The following CDH7 variants were observed in gnomAD, a reference collection of about 807,000 sequenced individuals.
CDH7 encodes the protein cadherin 7.
Under a neutral mutation model 71.8 loss-of-function variants are expected in CDH7, and 25 were observed. The observed-to-expected ratio is 0.35, with a 90% CI of 0.25 to 0.49. The LOEUF (loss-of-function observed/expected upper bound fraction) is 0.49, where lower values mean the gene tolerates loss of function less well. CDH7 is among the 20% of genes least tolerant of loss of function. The probability of loss-of-function intolerance (pLI) is 0.99; values close to 1 mark genes in which losing one functional copy is unlikely to be tolerated. For missense variants in CDH7, 862 were observed against 974.6 expected (o/e 0.88, Z 1.54); for synonymous variants, 381 against 363.8 (o/e 1.05, Z -0.54).
intron 2 of CDH7, among the ~76,000 whole-genome samples, chr18:65,792,420 A>G (rs1031688920): frequency 6.6e-6 from 1 of 152,038 alleles, no homozygotes; most frequent in Non-Finnish European, 1.5e-5. Context: ...CCCTCAGAGA[A>G]GCTTGCAGGT....
intron 2 of CDH7, among the ~76,000 whole-genome samples, chr18:65,781,161 C>T (rs999187846): frequency 2.6e-5 from 4 of 152,180 alleles, no homozygotes; most frequent in Non-Finnish European, 2.9e-5. Flanking sequence ...AACTTAAATT[C>T]GATTCTGTCT....
chr18:65,801,457 A>G (rs2143884400), intron 2 of CDH7, among the ~76,000 whole-genome samples: 1 of 152,328 alleles, frequency 6.6e-6, no homozygotes, highest in Admixed American at 6.5e-5. Flanking sequence ...ACAAATACTA[A>G]ACACCCAAGA....
chr18:65,880,188 G>A (rs1476591682), intron 11 of CDH7, among the ~76,000 whole-genome samples: 1 of 152,138 alleles, frequency 6.6e-6, no homozygotes, highest in East Asian at 1.9e-4. Context: ...GTGTGGAAAA[G>A]GGTTCCTTGA....
chr18:65,784,115 T>A (rs1461722449), intron 2 of CDH7, among the ~76,000 whole-genome samples: 1 of 123,730 alleles, frequency 8.1e-6, no homozygotes. Context: ...CCACAGCTAT[T>A]TTTTTTTTTT....
intron 11 of CDH7, chr18:65,865,144 G>C (rs998022061): frequency 1.9e-4 from 29 of 152,098 alleles, no homozygotes; most frequent in Admixed American, 1.9e-3. Context: ...CTTCACTTTA[G>C]TAAACACTTT....
intron 2 of CDH7, among the ~76,000 whole-genome samples, chr18:65,779,257 C>CTTTTTT (rs34051231): frequency 2.7e-5 from 2 of 72,878 alleles, no homozygotes; most frequent in African/African-American, 6.2e-5. Context: ...AGAAAACATT[C>CTTTTTT]TTTTTTTTTT....
At chr18:65,806,951 T>A (rs2143898899) in intron 2 of CDH7, among the ~76,000 whole-genome samples, 1 of 152,284 alleles carries the variant, frequency 6.6e-6, no homozygotes, top group South Asian at 2.1e-4. Context: ...TTACAGTAAC[T>A]TTGCAAAGAC....
intron 10 of CDH7, 150 bp downstream of exon 10, chr18:65,859,975 G>A: frequency 1.8e-6 from 1 of 550,510 alleles, no homozygotes. Context: ...TTTTATCTAT[G>A]GATTTACTAT....
rs143401270 is a variant in CDH7 at position 65,859,578 on chromosome 18, C to G, written c.1495-130C>G. 4.5e-3 allele frequency: 2,718 copies of G among 608,238 alleles called. 16 individuals carry two copies. The highest frequency in any genetic ancestry group is 6.5e-3 in the Non-Finnish European group (2,198 of 337,848). 37.7% of individuals were successfully genotyped at this position (608,238 alleles called of 1,614,324 possible). On this transcript the variant is annotated intron_variant, in intron 9 of 11. Transcript: ENST00000397968. ...TTAGATTGGGTTCATAATAATACAT[C>G]GGATCCTTTCTCCCTAGCTCATTCA...
At chr18:65,832,358 A>G (rs1327396976) in intron 6 of CDH7, among the ~76,000 whole-genome samples, 1 of 152,116 alleles carries the variant, frequency 6.6e-6, no homozygotes, top group Non-Finnish European at 1.5e-5. Flanking sequence ...TTTAAAATAT[A>G]TATTTGAAAA....
intron 2 of CDH7, 96 bp downstream of exon 2, chr18:65,763,148 C>A: frequency 3.0e-6 from 2 of 656,640 alleles, no homozygotes; most frequent in Non-Finnish European, 4.5e-6. Context: ...TTATTTTTTG[C>A]TATGGGGATG....
chr18:65,763,119 T>G, intron 2 of CDH7, 67 bp downstream of exon 2: 1 of 860,614 alleles, frequency 1.2e-6, no homozygotes. Flanking sequence ...GATGAAAAAC[T>G]GCTATATATA....
chr18:65,811,239 T>C (rs1299323774), intron 3 of CDH7, among the ~76,000 whole-genome samples: 2 of 151,784 alleles, frequency 1.3e-5, no homozygotes, highest in African/African-American at 4.8e-5. Context: ...TCAACATACC[T>C]ACGACACTGA....
At chr18:65,784,132 T>TTTTTC (rs1910422679) in intron 2 of CDH7, among the ~76,000 whole-genome samples, 2 of 144,726 alleles carry the variant, frequency 1.4e-5, no homozygotes, top group African/African-American at 5.5e-5. Context: ...TTTTTTTTTT[T>TTTTTC]GTAGAGATTG....
In CDH7 at chr18:65,824,934, A is replaced by G. The variant is rs904301298; in HGVS notation, c.981+103A>G. The G allele has an allele frequency of 2.3e-5, 16 of 688,106 alleles. No homozygotes were observed. In the African/African-American group the frequency reaches 2.8e-4, roughly 12 times the overall value. 42.6% of individuals were successfully genotyped at this position (688,106 alleles called of 1,614,324 possible). A position where few individuals can be genotyped will look rare whatever the true frequency, so the allele number is the denominator to read the frequency against. The stretch of plus-strand genomic sequence containing the variant: ...AACCGAATGGCCATATGGGACCATT[A>G]CTATTTTAATTTTAGTAAGATAAGC... On this transcript the variant is annotated intron_variant, in intron 6 of 11. Coordinates refer to ENST00000397968, the MANE Select transcript of CDH7 (RefSeq NM_004361.5).
chr18:65,814,261 A>G (rs551447607), intron 3 of CDH7, among the ~76,000 whole-genome samples: 1 of 151,684 alleles, frequency 6.6e-6, no homozygotes, highest in Admixed American at 6.6e-5. Context: ...TTTTGCCAGA[A>G]TATTTTCTTA....
intron 2 of CDH7, among the ~76,000 whole-genome samples, chr18:65,802,422 A>G: frequency 6.6e-6 from 1 of 152,186 alleles, no homozygotes; most frequent in East Asian, 1.9e-4. Context: ...TTCTGTTTTT[A>G]TCTTAATTCA....
rs553664988 is a variant in CDH7, at chr18:65,863,505, A to G, written c.1864+588A>G. On this transcript the variant is annotated intron_variant, in intron 11 of 11. Coordinates refer to ENST00000397968, the MANE Select transcript of CDH7 (RefSeq NM_004361.5). ...TGCTTTTTAGGATTAAAAATAATCT[A>G]TCTTATCCCAGTTCTTTGCTTTAGA... 7.5e-4 allele frequency: 118 copies of G among 158,228 alleles called. 1 individual carries two copies. The South Asian group carries it at 0.014, about 19-fold the overall frequency. 9.8% of individuals were successfully genotyped at this position (158,228 alleles called of 1,614,324 possible).
intron 2 of CDH7, among the ~76,000 whole-genome samples, chr18:65,772,445 A>T (rs1351950464): frequency 1.3e-5 from 2 of 152,184 alleles, no homozygotes; most frequent in African/African-American, 4.8e-5. Flanking sequence ...TAAGAGCTGA[A>T]TTTAGGTGGT....
Sources: gnomAD v4.1 joint callset for allele counts (sites outside exome capture counted in the v4.1 genomes callset) on GRCh38, gnomAD v4.1.1 for gene constraint, MANE v1.5 for transcripts, NCBI Gene and HGNC (gene_info 2026-07-23, HGNC 2026-07-21) for gene names.